ERC2: variants seen among roughly 807,000 people sequenced by gnomAD.
ERC2 encodes ELKS/RAB6-interacting/CAST family member 2.
In ERC2, 42 loss-of-function variants were observed where a neutral mutation model predicts 114.8. The observed-to-expected ratio is 0.37, with a 90% CI of 0.29 to 0.47. The LOEUF is 0.47. Among genes scored for constraint, ERC2 ranks in the 20% least tolerant of loss-of-function variants. The pLI, the probability that ERC2 is intolerant of heterozygous loss-of-function variation, is 0.99. For missense variants in ERC2, 939 were observed against 1,150.7 expected (o/e 0.82, Z 2.66); for synonymous variants, 454 against 425.5 (o/e 1.07, Z -0.82).
intron 2 of ERC2, among the ~76,000 whole-genome samples, chr3:56,365,388 T>C (rs939864008): frequency 6.6e-6 from 1 of 152,254 alleles, no homozygotes; most frequent in Non-Finnish European, 1.5e-5. Flanking sequence ...TTATCTCATA[T>C]AGCCTAGGTG....
intron 16 of ERC2, among the ~76,000 whole-genome samples, chr3:55,694,903 T>C (rs1053438046): frequency 6.6e-6 from 1 of 152,210 alleles, no homozygotes; most frequent in Non-Finnish European, 1.5e-5. Context: ...GGCTGGGGTG[T>C]GGACCTCATG....
chr3:55,855,872 C>T (rs1575865724), intron 14 of ERC2, among the ~76,000 whole-genome samples: 1 of 152,138 alleles, frequency 6.6e-6, no homozygotes, highest in East Asian at 1.9e-4. Context: ...TTAAATTTTA[C>T]TTTGGCTTTA....
At position 56,209,638 on chromosome 3, in the gene ERC2, G is replaced by A. The variant is rs1187790777; in HGVS notation, c.1075-36118C>T. On this transcript the variant is annotated intron_variant, in intron 3 of 17. Transcript: ENST00000288221. ...AAAGGGATTCAGAAGGAAGAGCATT[G>A]GGTCTTGCCCAAAGTCCTCTCACAG... is the stretch of plus-strand genomic sequence containing the variant. 2.0e-5 allele frequency among the ~76,000 whole-genome samples: 3 copies of A among 152,176 alleles called. No homozygotes were observed. In the East Asian group the frequency reaches 5.8e-4, roughly 29 times the overall value.
chr3:55,683,709 A>G, intron 17 of ERC2, 85 bp downstream of exon 17: 1 of 1,101,012 alleles, frequency 9.1e-7, no homozygotes, highest in South Asian at 1.5e-5. Context: ...ATTCACAAAC[A>G]TCAGCGAGCA....
In ERC2 at chr3:56,024,441, A is replaced by G. The variant is rs952931120; in HGVS notation, c.1642-5410T>C. Among the ~76,000 whole-genome samples, 8 of 152,220 alleles carry G rather than the reference A, an allele frequency of 5.3e-5. 1 individual carries two copies. The highest frequency in any genetic ancestry group is 2.6e-4 in the Admixed American group (4 of 15,280). ...AGGAACCCTAACAAGAGTGGCTTCAACTGACCCCCGGACAACACCACTAGC... is the reference window on the plus strand; with the variant it reads ...AGGAACCCTAACAAGAGTGGCTTCAGCTGACCCCCGGACAACACCACTAGC... On this transcript the variant is annotated intron_variant, in intron 7 of 17. Coordinates refer to ENST00000288221, the MANE Select transcript of ERC2 (RefSeq NM_015576.3).
intron 14 of ERC2, among the ~76,000 whole-genome samples, chr3:55,775,115 A>G (rs115609474): frequency 3.9e-5 from 6 of 152,294 alleles, no homozygotes; most frequent in African/African-American, 1.4e-4. Context: ...CCTGCCTTTA[A>G]TCTCCTTAAT....
rs187765386 is a variant in ERC2 at position 56,419,816 on chromosome 3, C to A, written c.657+14535G>T. On this transcript the variant is annotated intron_variant, in intron 2 of 17. Coordinates refer to ENST00000288221, the MANE Select transcript of ERC2 (RefSeq NM_015576.3). The stretch of plus-strand genomic sequence containing the variant: ...TTGTGCACAATCCAGATTATGCACA[C>A]CTTTCTAGGGAAAATTATGACATTT... Among the ~76,000 whole-genome samples, 89 of 152,276 alleles carry A rather than the reference C, an allele frequency of 5.8e-4. 2 individuals are homozygous for A. Among genetic ancestry groups the A allele is most frequent in the South Asian group, 4.8e-3 (23 of 4,830 alleles).
At chr3:55,792,513 G>T (rs2070123162) in intron 14 of ERC2, among the ~76,000 whole-genome samples, 1 of 152,126 alleles carries the variant, frequency 6.6e-6, no homozygotes, top group African/African-American at 2.4e-5. Context: ...ACCAGCCCCT[G>T]TGCTCAGTTC....
intron 14 of ERC2, among the ~76,000 whole-genome samples, chr3:55,805,742 A>G (rs1354783868): frequency 6.6e-6 from 1 of 152,062 alleles, no homozygotes; most frequent in East Asian, 1.9e-4. Flanking sequence ...CCTAAAATAA[A>G]TGGTCCTGAT....
chr3:56,033,022 A>AC (rs376606499), intron 7 of ERC2, among the ~76,000 whole-genome samples: 5 of 75,670 alleles, frequency 6.6e-5, no homozygotes, highest in African/African-American at 2.1e-4. Context: ...AAAGAAAGAA[A>AC]AAAGAAACAG....
intron 3 of ERC2, among the ~76,000 whole-genome samples, chr3:56,180,352 T>C (rs1050674634): frequency 2.6e-5 from 4 of 152,208 alleles, no homozygotes; most frequent in Non-Finnish European, 5.9e-5. Flanking sequence ...AAAACTCTGC[T>C]TTAGATTTGT....
intron 14 of ERC2, among the ~76,000 whole-genome samples, chr3:55,846,641 G>A (rs1180472007): frequency 1.3e-5 from 2 of 150,210 alleles, no homozygotes; most frequent in Non-Finnish European, 3.0e-5. Context: ...CCCTTTCTCT[G>A]ATATAAGTGT....
intron 8 of ERC2, among the ~76,000 whole-genome samples, chr3:56,010,801 T>A (rs139124194): frequency 2.6e-5 from 4 of 152,246 alleles, no homozygotes; most frequent in African/African-American, 9.6e-5. Flanking sequence ...TTAATAAAAG[T>A]TAATATCACA....
intron 14 of ERC2, among the ~76,000 whole-genome samples, chr3:55,740,275 T>C (rs914409628): frequency 1.3e-5 from 2 of 152,172 alleles, no homozygotes; most frequent in Admixed American, 1.3e-4. Flanking sequence ...TTAAAGCCAC[T>C]CACCAACCTT....
At chr3:56,439,489 T>C (rs1303878336) in intron 1 of ERC2, among the ~76,000 whole-genome samples, 1 of 152,200 alleles carries the variant, frequency 6.6e-6, no homozygotes, top group Non-Finnish European at 1.5e-5. Context: ...AGTTGTTTAT[T>C]ATCTTTTCAC....
rs1317601254 is a variant in ERC2, at chr3:56,007,156, A to T, written c.2061+25T>A. On this transcript the variant is annotated intron_variant, in intron 10 of 17. Transcript: ENST00000288221. ...ATAAATTCATTTTTAAATAAGCATG[A>T]TTCTTTTTCTTAGACTTCACTTACC... The T allele has an allele frequency of 4.6e-6, 7 of 1,530,174 alleles. No homozygotes were observed. In the South Asian group the frequency reaches 5.0e-5, roughly 11 times the overall value. 94.8% of individuals were successfully genotyped at this position (1,530,174 alleles called of 1,614,324 possible). A position where few individuals can be genotyped will look rare whatever the true frequency, so the allele number is the denominator to read the frequency against.
chr3:55,514,354 G>A (rs1435778369), intron 17 of ERC2, among the ~76,000 whole-genome samples: 1 of 152,098 alleles, frequency 6.6e-6, no homozygotes, highest in Non-Finnish European at 1.5e-5. Context: ...CCGTGATTGT[G>A]CCACTCCAGC....
chr3:56,105,150 G>A (rs1233409891), intron 6 of ERC2, among the ~76,000 whole-genome samples: 1 of 152,126 alleles, frequency 6.6e-6, no homozygotes, highest in African/African-American at 2.4e-5. Context: ...CAGCCTGGAG[G>A]CCACAGGGTT....
chr3:56,257,067 T>C (rs1291248328), intron 3 of ERC2, among the ~76,000 whole-genome samples: 1 of 152,212 alleles, frequency 6.6e-6, no homozygotes, highest in Non-Finnish European at 1.5e-5. Context: ...GTAATAATTC[T>C]ACCTCAGAGG....
Sources: gnomAD v4.1 joint callset for allele counts (sites outside exome capture counted in the v4.1 genomes callset) on GRCh38, gnomAD v4.1.1 for gene constraint, MANE v1.5 for transcripts, NCBI Gene and HGNC (gene_info 2026-07-23, HGNC 2026-07-21) for gene names.